JMJD1C: variants seen among roughly 807,000 people sequenced by gnomAD.
JMJD1C encodes jumonji domain-containing protein 1C.
A neutral mutation model predicts 245.3 loss-of-function variants in JMJD1C; 31 were observed. The observed-to-expected ratio is 0.13, with a 90% CI of 0.09 to 0.17. The LOEUF (loss-of-function observed/expected upper bound fraction) is 0.17, where lower values mean the gene tolerates loss of function less well. Among genes scored for constraint, JMJD1C ranks in the 10% least tolerant of loss-of-function variants. JMJD1C has a pLI of 1.00. For missense variants in JMJD1C, 2,691 were observed against 3,000.2 expected (o/e 0.90, Z 2.41); for synonymous variants, 1,057 against 1,017.4 (o/e 1.04, Z -0.74).
intron 2 of JMJD1C, among the ~76,000 whole-genome samples, chr10:63,316,626 T>G (rs1309957199): frequency 6.6e-6 from 1 of 152,122 alleles, no homozygotes; most frequent in Non-Finnish European, 1.5e-5. Context: ...TTTTTTATTT[T>G]TAGTAGAGAT....
rs1846694952 is a variant in JMJD1C, at chr10:63,206,909, A to G, written c.4760T>C (p.Ile1587Thr). The change falls in exon 10 of 26, where the codon ATA (isoleucine) becomes ACA (threonine). Residue 1587 changes from isoleucine to threonine, a missense_variant. Physicochemically the swap from Ile to Thr is moderately conservative, Grantham distance 89 (BLOSUM62 -1). Coordinates refer to ENST00000399262, the MANE Select transcript of JMJD1C (RefSeq NM_032776.3). Reference sequence around the variant, plus strand: ...TTGTATATCACTAGATGTAGAGGCTATTAAGTTGACAGAACATGGCTTAAT... The same window carrying G: ...TTGTATATCACTAGATGTAGAGGCTGTTAAGTTGACAGAACATGGCTTAAT... Reference protein sequence around the residue: ...EIIKPCSVNLIASTSSDIQNS... With the variant: ...EIIKPCSVNLTASTSSDIQNS... 3.7e-6 allele frequency: 6 copies of G among 1,610,756 alleles called. No homozygotes were observed. Among genetic ancestry groups the G allele is most frequent in the African/African-American group, 2.7e-5 (2 of 74,920 alleles).
intron 1 of JMJD1C, among the ~76,000 whole-genome samples, chr10:63,387,942 GAAA>G (rs1165528484): frequency 1.3e-5 from 2 of 151,914 alleles, no homozygotes; most frequent in Non-Finnish European, 2.9e-5. Context: ...GCCGAAAAAA[GAAA>G]ATTTAAATTT....
chr10:63,274,423 G>T (rs1369873130), intron 2 of JMJD1C, among the ~76,000 whole-genome samples: 2 of 152,048 alleles, frequency 1.3e-5, no homozygotes, highest in African/African-American at 2.4e-5. Context: ...AAAATAGCCA[G>T]GTGTGGTGGC....
intron 22 of JMJD1C, among the ~76,000 whole-genome samples, chr10:63,179,185 G>T (rs979747271): frequency 6.6e-6 from 1 of 151,964 alleles, no homozygotes; most frequent in African/African-American, 2.4e-5. Context: ...CGAGGCAGGC[G>T]GATCACCTGA....
rs1845584584 is a variant in JMJD1C, at chr10:63,197,478, G to A, written c.5577C>T (p.Val1859=). ...AGACCACAAATCCACATTTTTGGCA[G>A]ACCCAGTGAATGTTAAACAATGTTG... is the stretch of plus-strand genomic sequence containing the variant. ...CEATLFNIHW[V]CQKCGFVVCL... Residue 1859 remains valine, a synonymous_variant, in exon 13 of 26, where the codon GTC becomes GTT. Coordinates refer to ENST00000399262, the MANE Select transcript of JMJD1C (RefSeq NM_032776.3). The A allele has an allele frequency of 1.2e-6, 2 of 1,612,558 alleles. No homozygotes were observed. Among genetic ancestry groups the A allele is most frequent in the African/African-American group, 2.7e-5 (2 of 74,786 alleles).
intron 2 of JMJD1C, among the ~76,000 whole-genome samples, chr10:63,327,387 G>A (rs762264367): frequency 6.6e-6 from 1 of 152,114 alleles, no homozygotes; most frequent in South Asian, 2.1e-4. Flanking sequence ...ATTTCTAAAA[G>A]GGTGAAACAA....
chr10:63,521,611 C>A, intron 1 of JMJD1C: 2 of 1,385,152 alleles, frequency 1.4e-6, no homozygotes, highest in Non-Finnish European at 1.9e-6. Flanking sequence ...GCAGCCGGCG[C>A]GAGGCCCAGG....
intron 2 of JMJD1C, among the ~76,000 whole-genome samples, chr10:63,330,702 C>T (rs1589497833): frequency 6.6e-6 from 1 of 152,014 alleles, no homozygotes; most frequent in East Asian, 1.9e-4. Context: ...GATACTTCTA[C>T]CAGATGTTAA....
intron 1 of JMJD1C, among the ~76,000 whole-genome samples, chr10:63,499,084 C>T (rs1397533228): frequency 6.6e-6 from 1 of 152,110 alleles, no homozygotes; most frequent in Admixed American, 6.5e-5. Flanking sequence ...AATAATATTC[C>T]ATTGTATGTA....
chr10:63,448,643 G>A (rs1482795488), intron 1 of JMJD1C, among the ~76,000 whole-genome samples: 3 of 152,214 alleles, frequency 2.0e-5, no homozygotes, highest in African/African-American at 4.8e-5. Context: ...CCTTGCTAAA[G>A]TATAGTGTTC....
At chr10:63,318,250 C>T (rs1405065302) in intron 2 of JMJD1C, among the ~76,000 whole-genome samples, 10 of 152,048 alleles carry the variant, frequency 6.6e-5, no homozygotes, top group Non-Finnish European at 1.5e-4. Flanking sequence ...CTCCTAGACT[C>T]GAGGAATCCT....
chr10:63,314,162 T>G (rs1322459566), intron 2 of JMJD1C, among the ~76,000 whole-genome samples: 1 of 152,242 alleles, frequency 6.6e-6, no homozygotes, highest in Non-Finnish European at 1.5e-5. Context: ...CCCAGCACTA[T>G]TTGTTGAATA....
chr10:63,308,964 G>A (rs1359292685), intron 2 of JMJD1C, among the ~76,000 whole-genome samples: 2 of 152,126 alleles, frequency 1.3e-5, no homozygotes, highest in African/African-American at 2.4e-5. Context: ...AAGAAAAAGT[G>A]ACAAAGGATC....
intron 1 of JMJD1C, among the ~76,000 whole-genome samples, chr10:63,436,948 T>C (rs1951089440): frequency 6.6e-6 from 1 of 152,176 alleles, no homozygotes; most frequent in South Asian, 2.1e-4. Context: ...GGACCTAAGA[T>C]TCACTGATCT....
At chr10:63,403,106 C>T (rs1948963527) in intron 1 of JMJD1C, among the ~76,000 whole-genome samples, 1 of 152,134 alleles carries the variant, frequency 6.6e-6, no homozygotes, top group African/African-American at 2.4e-5. Flanking sequence ...TGGATCTCTG[C>T]TTTTATTTTC....
chr10:63,387,529 C>T (rs1278613014), intron 1 of JMJD1C, among the ~76,000 whole-genome samples: 3 of 142,910 alleles, frequency 2.1e-5, no homozygotes, highest in Non-Finnish European at 4.6e-5. Flanking sequence ...AAACAAAATA[C>T]ATTCAAACCT....
At chr10:63,362,792 A>T (rs1589585217) in intron 2 of JMJD1C, among the ~76,000 whole-genome samples, 1 of 152,122 alleles carries the variant, frequency 6.6e-6, no homozygotes, top group East Asian at 1.9e-4. Context: ...AGTATATTGT[A>T]TTTATATATA....
At chr10:63,194,149 T>C in intron 14 of JMJD1C, 137 bp downstream of exon 14, 2 of 629,000 alleles carry the variant, frequency 3.2e-6, no homozygotes, top group South Asian at 1.9e-5. Context: ...CATAGAGGAT[T>C]TCCAATAACT....
rs78993293 is a variant in JMJD1C at position 63,208,587 on chromosome 10, C to G, written c.3082G>C (p.Glu1028Gln). The G allele has an allele frequency of 1.1e-5, 18 of 1,614,048 alleles. No homozygotes were observed. The highest frequency in any genetic ancestry group is 2.2e-5 in the East Asian group (1 of 44,874). ...YKEEHRRILQ[E>Q]SIDVAPFTTK... Reference sequence around the variant, plus strand: ...GTAAAGGGAGCAACATCAATACTTTCTTGAAGAATTCGACGGTGTTCCTCT... The same window carrying G: ...GTAAAGGGAGCAACATCAATACTTTGTTGAAGAATTCGACGGTGTTCCTCT... The change falls in exon 10 of 26, where the codon GAA (glutamate) becomes CAA (glutamine). Residue 1028 changes from glutamate to glutamine, a missense_variant. Glu to Gln is a conservative substitution (Grantham distance 29). Around this residue, in one of 9 missense-constraint regions of JMJD1C, gnomAD observed 1,562 missense variants for 1,490.7 expected, o/e 1.05. Transcript: ENST00000399262.
Sources: allele counts gnomAD v4.1 joint callset (sites outside exome capture counted in the v4.1 genomes callset), GRCh38; gene constraint gnomAD v4.1.1; regional missense constraint gnomAD v4.1.1; transcripts MANE v1.5; gene names NCBI Gene and HGNC (gene_info 2026-07-23, HGNC 2026-07-21).